Variants in MTRF1L observed in about 807,000 individuals in gnomAD.
MTRF1L encodes the protein mitochondrial translation release factor 1 like.
A neutral mutation model predicts 40.0 loss-of-function variants in MTRF1L; 29 were observed. The ratio of observed to expected loss-of-function variants is 0.73; its 90% CI spans 0.54 to 0.99. MTRF1L has a LOEUF of 0.99. MTRF1L is among the 50% of genes least tolerant of loss of function. The pLI is 0.00. For missense variants in MTRF1L, 412 were observed against 464.5 expected (o/e 0.89, Z 1.04); for synonymous variants, 150 against 175.8 (o/e 0.85, Z 1.16).
Position 152,990,013 on chromosome 6 carries a change from G to A in MTRF1L, c.1025C>T (p.Thr342Met), listed in dbSNP as rs751869718. 4.7e-5 allele frequency: 76 copies of A among 1,613,572 alleles called. No individual in the cohort carries two copies. Among genetic ancestry groups the A allele is most frequent in the African/African-American group, 5.3e-5 (4 of 74,852 alleles). Residue 342 changes from threonine (T) to methionine (M), a missense_variant, in exon 7 of 7, where the codon ACG becomes ATG. Thr to Met is a moderately conservative substitution (Grantham distance 81). Coordinates refer to ENST00000367233, the MANE Select transcript of MTRF1L (RefSeq NM_019041.7). ...NRVTDHRINK[T>M]LHDLETFMQG... ...CATAAAAGTTTCAAGATCATGCAGC[G>A]TCTTGTTTATTCTGTGATCTGTGAC... is the stretch of plus-strand genomic sequence containing the variant.
chr6:152,990,256 T>C (rs1049308633), intron 6 of MTRF1L, 161 bp from the exon 7 acceptor site: 9 of 1,044,792 alleles, frequency 8.6e-6, no homozygotes, highest in East Asian at 2.7e-5. Context: ...GAACATGATA[T>C]AGAAAAAAGA....
intron 2 of MTRF1L, 62 bp from the exon 3 acceptor site, chr6:152,995,381 A>T (rs2129099433): frequency 7.5e-7 from 1 of 1,340,300 alleles, no homozygotes; most frequent in East Asian, 2.5e-5. Context: ...AAAAAATAAA[A>T]AGCTAAATGA....
chr6:152,994,890 T>A, intron 3 of MTRF1L: 1 of 715,000 alleles, frequency 1.4e-6, no homozygotes, highest in Non-Finnish European at 2.3e-6. Flanking sequence ...TCAGTTGACA[T>A]CAGTAACACA....
intron 4 of MTRF1L, among the ~76,000 whole-genome samples, chr6:152,994,243 A>C (rs1007390952): frequency 5.3e-5 from 8 of 152,228 alleles, no homozygotes; most frequent in Non-Finnish European, 8.8e-5. Flanking sequence ...TCCATATTTA[A>C]ATAGGTTATT....
rs564526314 is a variant in MTRF1L, at chr6:152,991,417, C to T, written c.806-96G>A. On this transcript the variant is annotated intron_variant, in intron 5 of 6. Coordinates refer to ENST00000367233, the MANE Select transcript of MTRF1L (RefSeq NM_019041.7). ...TTCCTCCTCATCCTTTTTCTTCTTC[C>T]TTTATGAGGGGAAAAAACAGAGGAC... The T allele has an allele frequency of 1.6e-4, 222 of 1,347,560 alleles. 1 individual carries two copies. In the African/African-American group the frequency reaches 3.0e-3, roughly 18 times the overall value. The allele number at this position is 1,347,560 out of a possible 1,614,324, so 83.5% of individuals were successfully genotyped here.
intron 2 of MTRF1L, among the ~76,000 whole-genome samples, chr6:152,997,022 G>C (rs182140315): frequency 1.3e-4 from 20 of 152,272 alleles, no homozygotes; most frequent in Admixed American, 1.0e-3. Context: ...TATGAACTCT[G>C]TTAAATTGAA....
chr6:152,998,690 T>C (rs888888589), intron 1 of MTRF1L, 61 bp from the exon 2 acceptor site: 41 of 1,142,110 alleles, frequency 3.6e-5, no homozygotes, highest in Non-Finnish European at 4.5e-5. Context: ...GCTAGCAGAC[T>C]TCTAGGAAAT....
At chr6:153,001,157 G>A (rs956772974) in intron 1 of MTRF1L, among the ~76,000 whole-genome samples, 5 of 152,158 alleles carry the variant, frequency 3.3e-5, no homozygotes, top group African/African-American at 7.2e-5. Context: ...AGAGGCGTGA[G>A]CCACCACGCC....
chr6:152,994,410 G>A, intron 4 of MTRF1L, 103 bp downstream of exon 4: 5 of 1,228,872 alleles, frequency 4.1e-6, no homozygotes, highest in Non-Finnish European at 5.5e-6. Flanking sequence ...AATACACAAG[G>A]AAGACCAAAT....
chr6:152,992,407 T>C (rs1584095260), intron 5 of MTRF1L, among the ~76,000 whole-genome samples: 2 of 152,236 alleles, frequency 1.3e-5, no homozygotes, highest in Non-Finnish European at 2.9e-5. Context: ...CCTGCAATTA[T>C]ATGCAAAACT....
intron 5 of MTRF1L, among the ~76,000 whole-genome samples, chr6:152,992,236 A>C (rs545714281): frequency 6.6e-6 from 1 of 152,344 alleles, no homozygotes; most frequent in African/African-American, 2.4e-5. Flanking sequence ...GAGATTTGCT[A>C]TCCCTATGCT....
intron 3 of MTRF1L, 57 bp from the exon 4 acceptor site, chr6:152,994,733 T>C (rs1432659374): frequency 6.3e-7 from 1 of 1,589,988 alleles, no homozygotes; most frequent in South Asian, 1.1e-5. Flanking sequence ...TATAAATAAT[T>C]GACCATCACA....
chr6:152,996,548 T>C (rs1778720935), intron 2 of MTRF1L, among the ~76,000 whole-genome samples: 1 of 152,186 alleles, frequency 6.6e-6, no homozygotes, highest in Admixed American at 6.5e-5. Context: ...CACATTTGCC[T>C]AAAGGGGAAG....
chr6:152,990,716 C>T (rs1778478427), intron 6 of MTRF1L, among the ~76,000 whole-genome samples: 1 of 152,096 alleles, frequency 6.6e-6, no homozygotes. Flanking sequence ...CCCAGCTACT[C>T]AGGAGGCTGC....
At chr6:152,990,325 A>G in intron 6 of MTRF1L, 14 of 607,346 alleles carry the variant, frequency 2.3e-5, no homozygotes, top group Non-Finnish European at 3.5e-5. Context: ...TCAATGTTCT[A>G]TGACCTCGGG....
Position 153,002,573 on chromosome 6 carries a change from G to A in MTRF1L, c.113C>T (p.Thr38Ile). 2 of 1,571,484 alleles carry A rather than the reference G, an allele frequency of 1.3e-6. No individual in the cohort carries two copies. The highest frequency in any genetic ancestry group is 1.2e-5 in the South Asian group (1 of 86,854). Residue 38 changes from threonine to isoleucine, a missense_variant, in exon 1 of 7, where the codon ACC (threonine) becomes ATC (isoleucine). By Grantham distance (89) the Thr-to-Ile change is moderately conservative. Coordinates refer to ENST00000367233, the MANE Select transcript of MTRF1L (RefSeq NM_019041.7). ...SGSPPLEELF[T>I]RGGPLRTFLE... ...GAAGGTCCGCAAGGGCCCGCCCCGG[G>A]TGAACAGCTCCTCCAGCGGCGGGCT... is the stretch of plus-strand genomic sequence containing the variant.
At chr6:152,997,221 T>C (rs1778743820) in intron 2 of MTRF1L, among the ~76,000 whole-genome samples, 1 of 152,090 alleles carries the variant, frequency 6.6e-6, no homozygotes, top group African/African-American at 2.4e-5. Context: ...CTGCATCAAT[T>C]TGTGAGGAAA....
At chr6:152,994,022 CTAAGT>C (rs1025939335) in intron 4 of MTRF1L, among the ~76,000 whole-genome samples, 22 of 152,204 alleles carry the variant, frequency 1.4e-4, no homozygotes, top group African/African-American at 4.8e-4. Flanking sequence ...AACTCCTACA[CTAAGT>C]TATCTTAAAA....
chr6:152,993,118 G>T, intron 4 of MTRF1L, 144 bp from the exon 5 acceptor site: 2 of 645,934 alleles, frequency 3.1e-6, no homozygotes, highest in Non-Finnish European at 5.3e-6. Context: ...TAGCTAGAAG[G>T]ATACCATTTT....
Sources: allele counts gnomAD v4.1 joint callset (sites outside exome capture counted in the v4.1 genomes callset), GRCh38; gene constraint gnomAD v4.1.1; transcripts MANE v1.5; gene names NCBI Gene and HGNC (gene_info 2026-07-23, HGNC 2026-07-21).